The following RSF1 variants were observed in gnomAD, a reference collection of about 807,000 sequenced individuals.
The protein encoded by RSF1 is remodeling and spacing factor 1.
RSF1 carries 13 observed loss-of-function variants against 145.2 expected under a neutral mutation model. That is an observed-to-expected ratio of 0.09 (90% CI 0.06 to 0.14). The LOEUF is 0.14. Ranked by LOEUF, RSF1 falls within the 10% of genes least tolerant of loss-of-function variation. RSF1 has a pLI of 1.00. For synonymous variants in RSF1, 577 were observed against 592.6 expected, an observed-to-expected ratio of 0.97 and a Z score of 0.38; for missense variants, 1,517 against 1,718.2, an observed-to-expected ratio of 0.88 and a Z score of 2.07.
chr11:77,865,689 G>A, the RSF1 span, among the ~76,000 whole-genome samples: 1 of 152,182 alleles, frequency 6.6e-6, no homozygotes, highest in Non-Finnish European at 1.5e-5. Context: ...AGGGTAAGTT[G>A]GCTAGCAGAC....
chr11:77,721,676 G>T (rs1193466774), intron 5 of RSF1, among the ~76,000 whole-genome samples: 1 of 152,158 alleles, frequency 6.6e-6, no homozygotes, highest in Non-Finnish European at 1.5e-5. Flanking sequence ...AACAGTATTG[G>T]CACATGGTAA....
the RSF1 span, among the ~76,000 whole-genome samples, chr11:77,863,686 G>C: frequency 6.6e-6 from 1 of 152,074 alleles, no homozygotes; most frequent in Admixed American, 6.5e-5. Flanking sequence ...ACCGCACCTG[G>C]CTGATTTTTT....
At chr11:77,678,481 G>A (rs1959773238) in intron 11 of RSF1, among the ~76,000 whole-genome samples, 1 of 152,090 alleles carries the variant, frequency 6.6e-6, no homozygotes, top group African/African-American at 2.4e-5. Context: ...CCAAAGTGCT[G>A]GGATTACAGG....
intron 1 of RSF1, among the ~76,000 whole-genome samples, chr11:77,795,543 TAGAGA>T (rs1471318794): frequency 6.6e-6 from 1 of 152,044 alleles, no homozygotes; most frequent in African/African-American, 2.4e-5. Flanking sequence ...TGAAACAGAA[TAGAGA>T]ACTCAGAAAT....
intron 1 of RSF1, among the ~76,000 whole-genome samples, chr11:77,783,599 T>A (rs1948425730): frequency 6.6e-6 from 1 of 152,156 alleles, no homozygotes; most frequent in Non-Finnish European, 1.5e-5. Context: ...CCCAGCGCTT[T>A]AGGAGGCTGA....
At chr11:77,789,833 G>T (rs1253359060) in intron 1 of RSF1, among the ~76,000 whole-genome samples, 2 of 152,150 alleles carry the variant, frequency 1.3e-5, no homozygotes, top group Non-Finnish European at 2.9e-5. Context: ...TGGAAACAGG[G>T]GACTGCTCAG....
intron 2 of RSF1, among the ~76,000 whole-genome samples, chr11:77,751,738 C>A (rs1948065868): frequency 6.6e-6 from 1 of 152,228 alleles, no homozygotes. Flanking sequence ...ATTCCTCCCA[C>A]TCCTCTCCCT....
the RSF1 span, among the ~76,000 whole-genome samples, chr11:77,852,461 C>T: frequency 6.6e-6 from 1 of 152,076 alleles, no homozygotes; most frequent in Admixed American, 6.6e-5. Flanking sequence ...ATGACAGTCA[C>T]TTGCTGTTCA....
In RSF1 at chr11:77,672,101, C is replaced by T. The variant is rs375867749; in HGVS notation, c.3692G>A (p.Arg1231Gln). 2.9e-5 allele frequency: 47 copies of T among 1,613,938 alleles called. No homozygotes were observed. The East Asian group carries it at 3.8e-4, about 13-fold the overall frequency. Residue 1231 changes from arginine (R) to glutamine (Q), a missense_variant, in exon 15 of 16, where the codon CGA becomes CAA. Physicochemically the swap from Arg to Gln is conservative, Grantham distance 43. This residue lies in a region of RSF1 where 240 missense variants were observed against 231.8 expected (regional missense o/e 1.04). Coordinates refer to ENST00000308488, the MANE Select transcript of RSF1 (RefSeq NM_016578.4). The part of the protein sequence containing the change: ...SESDGSQKSL[R>Q]RGKEIRRVHK... ...TACTCGCCTTATTTCTTTACCACGTCGCAAACTCTTCTGGGAACCGTCACT... is the reference window on the plus strand; with the variant it reads ...TACTCGCCTTATTTCTTTACCACGTTGCAAACTCTTCTGGGAACCGTCACT...
At chr11:77,692,743 T>C (rs1451604287) in intron 8 of RSF1, among the ~76,000 whole-genome samples, 1 of 150,734 alleles carries the variant, frequency 6.6e-6, no homozygotes, top group Non-Finnish European at 1.5e-5. Flanking sequence ...AATGGCGTGA[T>C]CTTGGCTCAC....
upstream of RSF1, chr11:77,821,147 TG>T (rs1948876667): frequency 2.5e-6 from 1 of 396,528 alleles, no homozygotes; most frequent in Admixed American, 4.1e-5. Flanking sequence ...GGAGGGCAGT[TG>T]GGGAGCGCAG....
At chr11:77,668,503 C>G (rs750892174) in intron 15 of RSF1, among the ~76,000 whole-genome samples, 1 of 152,174 alleles carries the variant, frequency 6.6e-6, no homozygotes, top group African/African-American at 2.4e-5. Flanking sequence ...ATTAGACGCC[C>G]TTGGTAGTCT....
intron 9 of RSF1, among the ~76,000 whole-genome samples, chr11:77,686,094 T>G (rs927020754): frequency 6.6e-6 from 1 of 152,012 alleles, no homozygotes; most frequent in Non-Finnish European, 1.5e-5. Flanking sequence ...GAAACAAACC[T>G]TTGTTGATTT....
the RSF1 span, chr11:77,850,784 A>G: frequency 1.5e-4 from 7 of 47,880 alleles, no homozygotes; most frequent in Non-Finnish European, 2.3e-4. Flanking sequence ...ATACACACAC[A>G]TACACACACA....
intron 1 of RSF1, among the ~76,000 whole-genome samples, chr11:77,798,373 T>A (rs1228773781): frequency 6.6e-6 from 1 of 151,412 alleles, no homozygotes; most frequent in Non-Finnish European, 1.5e-5. Context: ...TCAACTGACG[T>A]CAGGAGCTCG....
chr11:77,702,173 T>A lies in RSF1; in HGVS notation c.1056A>T (p.Glu352Asp), dbSNP rs1467962868. ...GAGAAGATTTAATATTGCCACCAAA[T>A]TCGATCCTTTCAGGCTCCTGTGCCA... is the stretch of plus-strand genomic sequence containing the variant. ...KPVAQEPERIEFGGNIKSSHE... is the reference protein window; with the variant it reads ...KPVAQEPERIDFGGNIKSSHE... Residue 352 changes from glutamate (E) to aspartate (D), a missense_variant, in exon 6 of 16, where the codon GAA becomes GAT. Transcript: ENST00000308488. 6.2e-7 allele frequency: 1 copy of A among 1,614,010 alleles called. No individual in the cohort carries two copies. The highest frequency in any genetic ancestry group is 8.5e-7 in the Non-Finnish European group (1 of 1,180,000).
At chr11:77,807,739 T>A (rs549258319) in intron 1 of RSF1, among the ~76,000 whole-genome samples, 4 of 152,224 alleles carry the variant, frequency 2.6e-5, no homozygotes, top group Non-Finnish European at 5.9e-5. Flanking sequence ...CTGATTTCAA[T>A]GGAGCATTGT....
At chr11:77,746,948 TCTA>T (rs748475377) in intron 3 of RSF1, 85 bp downstream of exon 3, 39 of 757,330 alleles carry the variant, frequency 5.1e-5, no homozygotes, top group Admixed American at 1.8e-4. Flanking sequence ...AATAAAAATG[TCTA>T]CTTTTTGTTT....
At chr11:77,742,904 C>T (rs887059566) in intron 3 of RSF1, among the ~76,000 whole-genome samples, 3 of 152,116 alleles carry the variant, frequency 2.0e-5, no homozygotes, top group African/African-American at 7.2e-5. Flanking sequence ...CTTTAATCCA[C>T]TAAGATAATT....
Sources: allele counts gnomAD v4.1 joint callset (sites outside exome capture counted in the v4.1 genomes callset), GRCh38; gene constraint gnomAD v4.1.1; regional missense constraint gnomAD v4.1.1; transcripts MANE v1.5; gene names NCBI Gene and HGNC (gene_info 2026-07-23, HGNC 2026-07-21).